TBX15: variants seen among roughly 807,000 people sequenced by gnomAD.
The protein encoded by TBX15 is T-box transcription factor TBX15.
A neutral mutation model predicts 53.9 loss-of-function variants in TBX15; 18 were observed. The observed-to-expected ratio is 0.33, with a 90% CI of 0.23 to 0.49. TBX15 has a LOEUF of 0.49. Among genes scored for constraint, TBX15 ranks in the 20% least tolerant of loss-of-function variants. The pLI is 0.98. For missense variants in TBX15, 692 were observed against 749.5 expected, an observed-to-expected ratio of 0.92 and a Z score of 0.90; for synonymous variants, 295 against 278.0, an observed-to-expected ratio of 1.06 and a Z score of -0.61.
intron 1 of TBX15, among the ~76,000 whole-genome samples, chr1:118,937,611 A>G (rs1286346670): frequency 6.6e-6 from 1 of 152,220 alleles, no homozygotes; most frequent in Non-Finnish European, 1.5e-5. Flanking sequence ...TAAGAGATGT[A>G]GAATGCTCTG....
chr1:118,983,511 GCGAA>G (rs1257804435), intron 1 of TBX15, among the ~76,000 whole-genome samples: 3 of 152,100 alleles, frequency 2.0e-5, no homozygotes, highest in African/African-American at 7.2e-5. Context: ...CATCCCCTCA[GCGAA>G]CAATAATCCT....
At chr1:118,911,161 G>A (rs897597422) in intron 6 of TBX15, among the ~76,000 whole-genome samples, 1 of 150,730 alleles carries the variant, frequency 6.6e-6, no homozygotes, top group Non-Finnish European at 1.5e-5. Context: ...GCTTTACTTT[G>A]TGACAGTAGG....
chr1:118,947,532 C>T (rs1216994403), intron 1 of TBX15, among the ~76,000 whole-genome samples: 1 of 152,176 alleles, frequency 6.6e-6, no homozygotes, highest in African/African-American at 2.4e-5. Flanking sequence ...TCAGTTGACA[C>T]ATCTGTGAGA....
chr1:118,908,634 C>T (rs900946588), intron 6 of TBX15, among the ~76,000 whole-genome samples: 2 of 152,060 alleles, frequency 1.3e-5, no homozygotes, highest in African/African-American at 4.8e-5. Context: ...AATTTCCCTC[C>T]TATTGCAGAG....
intron 7 of TBX15, among the ~76,000 whole-genome samples, chr1:118,893,594 G>GAAAGAAA (rs1654284937): frequency 8.2e-6 from 1 of 121,620 alleles, no homozygotes; most frequent in African/African-American, 4.7e-5. Flanking sequence ...AAGGAAGGAA[G>GAAAGAAA]GAAGGAAAGA....
At chr1:118,948,932 A>G (rs1317029294) in intron 1 of TBX15, among the ~76,000 whole-genome samples, 2 of 152,220 alleles carry the variant, frequency 1.3e-5, no homozygotes, top group East Asian at 1.9e-4. Flanking sequence ...ACTGCCTGTG[A>G]AAGACCTCTT....
chr1:118,922,500 C>A (rs549119578), intron 5 of TBX15, among the ~76,000 whole-genome samples: 2 of 152,094 alleles, frequency 1.3e-5, no homozygotes, highest in African/African-American at 4.8e-5. Flanking sequence ...CATAGCTCTA[C>A]GAGGCAGGCG....
At chr1:118,937,023 G>A (rs1482296331) in intron 1 of TBX15, among the ~76,000 whole-genome samples, 1 of 152,184 alleles carries the variant, frequency 6.6e-6, no homozygotes, top group Non-Finnish European at 1.5e-5. Flanking sequence ...CGCCTGCAGA[G>A]GTGGGGAAAA....
intron 7 of TBX15, among the ~76,000 whole-genome samples, chr1:118,895,059 A>G (rs569360718): frequency 6.6e-6 from 1 of 152,274 alleles, no homozygotes; most frequent in South Asian, 2.1e-4. Flanking sequence ...ATGTCCACTA[A>G]ATTGTCCTTC....
rs1557873055 is a variant in TBX15, at chr1:118,893,598, G to GAAAGAAAGAAAGAAA, written c.1024+5429_1024+5430insTTTCTTTCTTTCTTT. Among the ~76,000 whole-genome samples, 318 of 119,060 alleles carry GAAAGAAAGAAAGAAA rather than the reference G, an allele frequency of 2.7e-3. 20 individuals are homozygous for GAAAGAAAGAAAGAAA. Among genetic ancestry groups the GAAAGAAAGAAAGAAA allele is most frequent in the African/African-American group, 0.014 (300 of 21,938 alleles). The allele number at this position is 119,060 out of a possible 152,430, so 78.1% of individuals were successfully genotyped here. A position where few individuals can be genotyped will look rare whatever the true frequency, so the allele number is the denominator to read the frequency against. ...GGAAAGAAAGAAAGGAAGGAAGGAA[G>GAAAGAAAGAAAGAAA]GAAAGAAAGAAAGAAAGAGAGAGAG... On this transcript the variant is annotated intron_variant, in intron 7 of 7. Transcript: ENST00000369429.
intron 1 of TBX15, 112 bp downstream of exon 1, chr1:118,987,479 G>T: frequency 1.6e-6 from 2 of 1,282,076 alleles, no homozygotes; most frequent in Non-Finnish European, 2.1e-6. Context: ...AACCTATGTT[G>T]GGGCAAGGCA....
chr1:118,892,048 C>T (rs552202784), intron 7 of TBX15, among the ~76,000 whole-genome samples: 96 of 152,158 alleles, frequency 6.3e-4, no homozygotes, highest in Middle Eastern at 3.4e-3. Flanking sequence ...AGACTATGAA[C>T]CACTTTGTCA....
At chr1:118,973,367 C>T (rs1252881252) in intron 1 of TBX15, among the ~76,000 whole-genome samples, 1 of 151,988 alleles carries the variant, frequency 6.6e-6, no homozygotes, top group Non-Finnish European at 1.5e-5. Flanking sequence ...TTCATGCTTT[C>T]ATACTCACAC....
chr1:118,955,030 T>C (rs973604770), intron 1 of TBX15, among the ~76,000 whole-genome samples: 1 of 152,198 alleles, frequency 6.6e-6, no homozygotes. Context: ...GTAAGCCACC[T>C]TTCCAGAATC....
chr1:118,979,701 G>A (rs576954973), intron 1 of TBX15, among the ~76,000 whole-genome samples: 90 of 152,314 alleles, frequency 5.9e-4, no homozygotes, highest in African/African-American at 2.1e-3. Context: ...GGTTAGCCCA[G>A]GGTCCCCACA....
chr1:118,913,185 A>G (rs1161887697), intron 6 of TBX15, among the ~76,000 whole-genome samples: 2 of 152,104 alleles, frequency 1.3e-5, no homozygotes, highest in Non-Finnish European at 2.9e-5. Flanking sequence ...ACCAAAGATA[A>G]CCCCTGGTAA....
intron 7 of TBX15, among the ~76,000 whole-genome samples, chr1:118,893,319 A>G (rs1654229709): frequency 1.8e-4 from 23 of 130,166 alleles, no homozygotes; most frequent in African/African-American, 6.1e-4. Flanking sequence ...GGAAGGAAAG[A>G]AAGAAAGAAG....
chr1:118,954,064 C>A (rs1325687313), intron 1 of TBX15, among the ~76,000 whole-genome samples: 2 of 152,174 alleles, frequency 1.3e-5, no homozygotes. Flanking sequence ...TGGAAGAGCA[C>A]CATTCTAAAT....
rs1766794 is a variant in TBX15 at position 118,923,816 on chromosome 1, A to G, written c.694-213T>C. Among the ~76,000 whole-genome samples, 126,013 of 152,156 alleles carry G rather than the reference A, an allele frequency of 0.83. 52,700 individuals are homozygous for G. Among genetic ancestry groups the G allele is most frequent in the Non-Finnish European group, 0.89 (60,542 of 68,024 alleles). ...CCAAATAGCAGGACATCCTTATCAT[A>G]GATGGTAAAAGTAATATGTTTGCTT... On this transcript the variant is annotated intron_variant, in intron 4 of 7. Transcript: ENST00000369429.
Sources: gnomAD v4.1 joint callset for allele counts (sites outside exome capture counted in the v4.1 genomes callset) on GRCh38, gnomAD v4.1.1 for gene constraint, MANE v1.5 for transcripts, NCBI Gene and HGNC (gene_info 2026-07-23, HGNC 2026-07-21) for gene names.